Variants in C2CD5 observed in about 807,000 individuals in gnomAD.
The protein encoded by C2CD5 is C2 domain-containing protein 5.
In C2CD5, 109 loss-of-function variants were observed where a neutral mutation model predicts 130.3. The ratio of observed to expected loss-of-function variants is 0.84; its 90% CI spans 0.72 to 0.98. The LOEUF (loss-of-function observed/expected upper bound fraction) is 0.98. Among genes scored for constraint, C2CD5 ranks in the 50% least tolerant of loss-of-function variants. The pLI is 0.00. For missense variants in C2CD5, 996 were observed against 1,261.8 expected (o/e 0.79, Z 3.19); for synonymous variants, 454 against 429.2 (o/e 1.06, Z -0.71).
Position 22,487,827 on chromosome 12 carries a change from A to T in C2CD5, c.1358+2296T>A, listed in dbSNP as rs548971424. ...CAAATGTCCAACAATGATAGAATGG[A>T]TTAAGAAAATGTGGCACCTAGACAC... On this transcript the variant is annotated intron_variant, in intron 12 of 26. Transcript: ENST00000446597. Among the ~76,000 whole-genome samples, 431 of 152,300 alleles carry T rather than the reference A, an allele frequency of 2.8e-3. 4 individuals carry two copies. The highest frequency in any genetic ancestry group is 0.01 in the African/African-American group (420 of 41,542).
In C2CD5 at chr12:22,487,406, T is replaced by C. The variant is rs376407253; in HGVS notation, c.1359-2518A>G. Among the ~76,000 whole-genome samples, 39 of 152,228 alleles carry C rather than the reference T, an allele frequency of 2.6e-4. No individual in the cohort carries two copies. The East Asian group carries it at 3.3e-3, about 13-fold the overall frequency. ...AGTAGGTGAAGGATATGAACAGACA[T>C]TTCTCAAAAGAAGACATTTATGCAG... On this transcript the variant is annotated intron_variant, in intron 12 of 26. Transcript: ENST00000446597.
chr12:22,484,928 T>C (rs914764613), intron 12 of C2CD5, 40 bp from the exon 13 acceptor site: 5 of 1,051,318 alleles, frequency 4.8e-6, no homozygotes, highest in Non-Finnish European at 5.2e-6. Context: ...TCTTTAAAAA[T>C]GTACCAATTT....
At chr12:22,474,500 T>C (rs1345576051) in intron 16 of C2CD5, among the ~76,000 whole-genome samples, 1 of 152,188 alleles carries the variant, frequency 6.6e-6, no homozygotes, top group Non-Finnish European at 1.5e-5. Context: ...TTTAATACTA[T>C]TCTATCATTA....
intron 12 of C2CD5, among the ~76,000 whole-genome samples, chr12:22,486,991 C>A (rs7314532): frequency 6.6e-6 from 1 of 151,976 alleles, no homozygotes; most frequent in Non-Finnish European, 1.5e-5. Flanking sequence ...CTGGGAAAAC[C>A]GGCTAGCCAT....
intron 15 of C2CD5, chr12:22,477,929 T>C (rs1944091309): frequency 5.6e-6 from 1 of 178,546 alleles, no homozygotes; most frequent in Admixed American, 5.5e-5. Flanking sequence ...AATAGGAACT[T>C]TTCTAGGCAA....
At chr12:22,452,546 G>A (rs568893664) in intron 26 of C2CD5, among the ~76,000 whole-genome samples, 1 of 152,040 alleles carries the variant, frequency 6.6e-6, no homozygotes, top group South Asian at 2.1e-4. Flanking sequence ...AACCCTCCTA[G>A]GATGTTTCAT....
intron 16 of C2CD5, among the ~76,000 whole-genome samples, chr12:22,473,631 T>C (rs1015836432): frequency 6.6e-6 from 1 of 152,150 alleles, no homozygotes; most frequent in Non-Finnish European, 1.5e-5. Context: ...ATCAGACTTA[T>C]CAATAATGCC....
chr12:22,473,639 G>A (rs1943389095), intron 16 of C2CD5, among the ~76,000 whole-genome samples: 1 of 152,054 alleles, frequency 6.6e-6, no homozygotes, highest in African/African-American at 2.4e-5. Context: ...TATCAATAAT[G>A]CCCTAGATCA....
At chr12:22,512,118 A>G (rs1949259658) in intron 9 of C2CD5, among the ~76,000 whole-genome samples, 1 of 152,178 alleles carries the variant, frequency 6.6e-6, no homozygotes, top group Non-Finnish European at 1.5e-5. Flanking sequence ...TGCTTGATAG[A>G]GCATGAAGCA....
chr12:22,494,385 T>G (rs1946749585), intron 10 of C2CD5, among the ~76,000 whole-genome samples: 1 of 152,206 alleles, frequency 6.6e-6, no homozygotes, highest in Non-Finnish European at 1.5e-5. Flanking sequence ...AATTGCAGTA[T>G]ATATCCAATT....
intron 15 of C2CD5, chr12:22,477,358 A>T (rs2136241166): frequency 6.6e-6 from 1 of 152,148 alleles, no homozygotes. Context: ...GTAGGTCATA[A>T]CCTTAAAATT....
At chr12:22,461,862 G>C (rs1941224374) in intron 22 of C2CD5, among the ~76,000 whole-genome samples, 1 of 152,110 alleles carries the variant, frequency 6.6e-6, no homozygotes, top group Admixed American at 6.5e-5. Context: ...AGGGAGAGCA[G>C]GTTCATCTTT....
chr12:22,464,251 A>G (rs1481612467), intron 22 of C2CD5, among the ~76,000 whole-genome samples: 1 of 152,174 alleles, frequency 6.6e-6, no homozygotes, highest in Admixed American at 6.5e-5. Flanking sequence ...TAACTTCCCT[A>G]TTTGGGTCAT....
chr12:22,493,916 A>T (rs1946677534), intron 10 of C2CD5, among the ~76,000 whole-genome samples: 1 of 151,986 alleles, frequency 6.6e-6, no homozygotes, highest in Admixed American at 6.6e-5. Context: ...AAAGAAAGAA[A>T]GCAAGCACAC....
intron 16 of C2CD5, among the ~76,000 whole-genome samples, chr12:22,473,081 C>T (rs1483576207): frequency 1.3e-5 from 2 of 152,058 alleles, no homozygotes; most frequent in Non-Finnish European, 2.9e-5. Context: ...AAGACAAAGA[C>T]ATCATAAGCA....
At chr12:22,451,119 T>C (rs901165058) in intron 26 of C2CD5, among the ~76,000 whole-genome samples, 1 of 151,950 alleles carries the variant, frequency 6.6e-6, no homozygotes, top group Non-Finnish European at 1.5e-5. Flanking sequence ...TTTGGTTGCA[T>C]GTGGGGAAGA....
intron 12 of C2CD5, among the ~76,000 whole-genome samples, chr12:22,486,904 A>G (rs1023973303): frequency 3.3e-5 from 5 of 152,330 alleles, no homozygotes; most frequent in African/African-American, 9.6e-5. Context: ...AATGCCACGC[A>G]TCTACAACTA....
intron 7 of C2CD5, among the ~76,000 whole-genome samples, chr12:22,519,716 A>G (rs1257064596): frequency 1.3e-5 from 2 of 152,168 alleles, no homozygotes; most frequent in African/African-American, 4.8e-5. Context: ...AGAAAGTTAA[A>G]TAACTGTCTA....
At chr12:22,540,051 G>A (rs1176928384) in intron 2 of C2CD5, among the ~76,000 whole-genome samples, 3 of 149,482 alleles carry the variant, frequency 2.0e-5, no homozygotes, top group Non-Finnish European at 1.5e-5. Flanking sequence ...TTTACAGATA[G>A]AAGTATTACA....
Sources: gnomAD v4.1 joint callset for allele counts (sites outside exome capture counted in the v4.1 genomes callset) on GRCh38, gnomAD v4.1.1 for gene constraint, MANE v1.5 for transcripts, NCBI Gene and HGNC (gene_info 2026-07-23, HGNC 2026-07-21) for gene names.